Variants in TRHDE observed in about 807,000 individuals in gnomAD.
TRHDE encodes the protein thyrotropin releasing hormone degrading enzyme.
A neutral mutation model predicts 125.7 loss-of-function variants in TRHDE; 72 were observed. The ratio of observed to expected loss-of-function variants is 0.57; its 90% CI spans 0.47 to 0.70. The LOEUF (loss-of-function observed/expected upper bound fraction) is 0.70. TRHDE is among the 30% of genes least tolerant of loss of function. The pLI, the probability that TRHDE is intolerant of heterozygous loss-of-function variation, is 0.00. For synonymous variants in TRHDE, 509 were observed against 509.1 expected (o/e 1.00, Z 0.00); for missense variants, 1,110 against 1,327.1 (o/e 0.84, Z 2.54).
At chr12:72,525,001 C>T (rs1423207847) in intron 6 of TRHDE, among the ~76,000 whole-genome samples, 1 of 152,036 alleles carries the variant, frequency 6.6e-6, no homozygotes, top group Non-Finnish European at 1.5e-5. Flanking sequence ...GACTCGTGTC[C>T]TTGACTTAAA....
intron 2 of TRHDE, among the ~76,000 whole-genome samples, chr12:72,190,013 A>G (rs1476901307): frequency 6.6e-6 from 1 of 152,028 alleles, no homozygotes; most frequent in African/African-American, 2.4e-5. Flanking sequence ...AAAATAGTCT[A>G]CCCTTGAGAA....
intron 5 of TRHDE, among the ~76,000 whole-genome samples, chr12:72,486,668 C>T (rs559255784): frequency 6.6e-6 from 1 of 152,252 alleles, no homozygotes; most frequent in South Asian, 2.1e-4. Context: ...AAAGTATTAG[C>T]CTCCAAAAGC....
chr12:72,351,861 A>G (rs1344737716), intron 2 of TRHDE, among the ~76,000 whole-genome samples: 1 of 151,772 alleles, frequency 6.6e-6, no homozygotes, highest in Non-Finnish European at 1.5e-5. Context: ...TCTTCATCCT[A>G]GCTATTGCTG....
chr12:72,487,763 A>G (rs891847223), intron 5 of TRHDE, among the ~76,000 whole-genome samples: 2 of 152,164 alleles, frequency 1.3e-5, no homozygotes, highest in Admixed American at 6.5e-5. Flanking sequence ...TGACGGTGAT[A>G]TATAAATCCA....
chr12:72,476,986 TGG>T (rs1009614729), intron 5 of TRHDE, among the ~76,000 whole-genome samples: 9 of 152,134 alleles, frequency 5.9e-5, no homozygotes, highest in African/African-American at 2.2e-4. Context: ...TTTATAGATA[TGG>T]GGTTTTACAG....
chr12:72,310,341 A>G (rs1565693499), intron 2 of TRHDE, among the ~76,000 whole-genome samples: 1 of 152,214 alleles, frequency 6.6e-6, no homozygotes, highest in African/African-American at 2.4e-5. Context: ...TCCTGTCTAA[A>G]TTCAGAGCCT....
At chr12:72,327,269 A>C (rs1869383572) in intron 2 of TRHDE, among the ~76,000 whole-genome samples, 1 of 152,052 alleles carries the variant, frequency 6.6e-6, no homozygotes, top group African/African-American at 2.4e-5. Context: ...ATTTTCCTTT[A>C]ATTAACCTTA....
chr12:72,548,969 C>T lies in TRHDE; in HGVS notation c.1788+6613C>T, dbSNP rs925205493. Among the ~76,000 whole-genome samples, 6 of 151,886 alleles carry T rather than the reference C, an allele frequency of 4.0e-5. No individual in the cohort carries two copies. In the East Asian group the frequency reaches 5.8e-4, roughly 15 times the overall value. ...TCAAGCAGTGAGGGTAATTCACCAT[C>T]ATCTAAAATATGGTTGAATAAAGAA... On this transcript the variant is annotated intron_variant, in intron 7 of 18. Transcript: ENST00000261180.
chr12:72,403,659 G>C (rs959934885), intron 3 of TRHDE, among the ~76,000 whole-genome samples: 1 of 152,176 alleles, frequency 6.6e-6, no homozygotes, highest in African/African-American at 2.4e-5. Context: ...CAGGGACCTG[G>C]ATTAGATGCT....
At chr12:72,435,282 C>T (rs1406793363) in intron 3 of TRHDE, among the ~76,000 whole-genome samples, 4 of 152,152 alleles carry the variant, frequency 2.6e-5, no homozygotes, top group African/African-American at 4.8e-5. Context: ...AATAATCTGT[C>T]CTCCCCAAAG....
intron 2 of TRHDE, among the ~76,000 whole-genome samples, chr12:72,128,512 A>G (rs1439159619): frequency 6.6e-6 from 1 of 152,224 alleles, no homozygotes; most frequent in African/African-American, 2.4e-5. Flanking sequence ...TTTTTTAGAC[A>G]AGGACATTAA....
chr12:72,331,170 C>G (rs61926576), intron 2 of TRHDE, among the ~76,000 whole-genome samples: 14 of 152,278 alleles, frequency 9.2e-5, no homozygotes, highest in Middle Eastern at 3.4e-3. Context: ...AAGTGTAGAG[C>G]TTTGGGCTCC....
chr12:72,350,689 G>A (rs1344799390), intron 2 of TRHDE, among the ~76,000 whole-genome samples: 1 of 151,926 alleles, frequency 6.6e-6, no homozygotes, highest in Non-Finnish European at 1.5e-5. Flanking sequence ...AATGAGGCTT[G>A]ATAGAAAAAA....
chr12:72,574,711 A>G (rs149570451), intron 10 of TRHDE, among the ~76,000 whole-genome samples: 1 of 152,238 alleles, frequency 6.6e-6, no homozygotes, highest in East Asian at 1.9e-4. Context: ...AAATATTAAA[A>G]TCTTGAACAA....
At chr12:72,145,280 A>C (rs959413015) in intron 2 of TRHDE, among the ~76,000 whole-genome samples, 3 of 152,166 alleles carry the variant, frequency 2.0e-5, no homozygotes, top group Non-Finnish European at 4.4e-5. Context: ...TAGAAATATA[A>C]TATTCTCTAG....
chr12:72,605,369 G>A (rs1232607999), intron 12 of TRHDE, among the ~76,000 whole-genome samples: 1 of 151,896 alleles, frequency 6.6e-6, no homozygotes, highest in African/African-American at 2.4e-5. Context: ...TACTCCTTGC[G>A]ACTCAATGTA....
intron 10 of TRHDE, among the ~76,000 whole-genome samples, chr12:72,570,868 C>A (rs142112119): frequency 1.3e-5 from 2 of 152,074 alleles, no homozygotes; most frequent in Admixed American, 1.3e-4. Flanking sequence ...GTGTAAGGTG[C>A]GACTTGGACA....
chr12:72,563,160 T>C (rs1290305262), intron 9 of TRHDE, 120 bp downstream of exon 9: 1 of 750,654 alleles, frequency 1.3e-6, no homozygotes, highest in Non-Finnish European at 2.1e-6. Flanking sequence ...TAGTTTTTGT[T>C]TCTTTATTTA....
chr12:72,636,987 A>T (rs1160783301), intron 15 of TRHDE, among the ~76,000 whole-genome samples: 1 of 152,156 alleles, frequency 6.6e-6, no homozygotes. Flanking sequence ...TGTCTCTGCC[A>T]GGCTTTGGTA....
Sources: allele counts gnomAD v4.1 joint callset (sites outside exome capture counted in the v4.1 genomes callset), GRCh38; gene constraint gnomAD v4.1.1; transcripts MANE v1.5; gene names NCBI Gene and HGNC (gene_info 2026-07-23, HGNC 2026-07-21).